The following NFU1 variants were observed in gnomAD, a reference collection of about 807,000 sequenced individuals.
The protein encoded by NFU1 is NFU1 iron-sulfur cluster scaffold, also known as NFU1 iron-sulfur cluster scaffold homolog, mitochondrial.
Under a neutral mutation model 32.2 loss-of-function variants are expected in NFU1, and 30 were observed. That is an observed-to-expected ratio of 0.93 (90% CI 0.70 to 1.26). The LOEUF is 1.26. Among genes scored for constraint, NFU1 ranks in the 50% most tolerant of loss-of-function variants. NFU1 has a pLI of 0.00. For missense variants in NFU1, 306 were observed against 306.6 expected, an observed-to-expected ratio of 1.00 and a Z score of 0.02; for synonymous variants, 112 against 104.6, an observed-to-expected ratio of 1.07 and a Z score of -0.43.
chr2:69,435,520 C>G (rs1226747655), intron 1 of NFU1, among the ~76,000 whole-genome samples: 1 of 152,118 alleles, frequency 6.6e-6, no homozygotes, highest in Non-Finnish European at 1.5e-5. Flanking sequence ...GAACTGTTTA[C>G]TACCTTCAAT....
At chr2:69,409,047 G>A (rs1275846464) in intron 5 of NFU1, among the ~76,000 whole-genome samples, 2 of 151,530 alleles carry the variant, frequency 1.3e-5, no homozygotes, top group Non-Finnish European at 2.9e-5. Flanking sequence ...ACACCATGTT[G>A]GCCAGGCCGT....
chr2:69,423,597 C>T lies in NFU1; in HGVS notation c.287G>A (p.Arg96His), dbSNP rs774308958. 17 of 1,613,350 alleles carry T rather than the reference C, an allele frequency of 1.1e-5. No individual in the cohort carries two copies. The highest frequency in any genetic ancestry group is 4.0e-5 in the African/African-American group (3 of 74,832). ...MDFPTPAAAF[R>H]SPLARQLFRI... ...AGTAATATACCTAGCCAGAGGGGAG[C>T]GAAATGCTGCAGCTGGGGTGGGAAA... is the stretch of plus-strand genomic sequence containing the variant. The change falls in exon 3 of 8, where the codon CGC (arginine) becomes CAC (histidine). Residue 96 changes from arginine (R) to histidine (H), a missense_variant. Physicochemically the swap from Arg to His is conservative, Grantham distance 29. Coordinates refer to ENST00000410022, the MANE Select transcript of NFU1 (RefSeq NM_001002755.4).
At chr2:69,413,933 G>A (rs1225809039) in intron 5 of NFU1, among the ~76,000 whole-genome samples, 1 of 151,488 alleles carries the variant, frequency 6.6e-6, no homozygotes, top group Non-Finnish European at 1.5e-5. Context: ...TGTAATACCA[G>A]CTACTTGGAA....
intron 3 of NFU1, among the ~76,000 whole-genome samples, chr2:69,421,871 A>G (rs1265537415): frequency 6.6e-6 from 1 of 151,910 alleles, no homozygotes; most frequent in African/African-American, 2.4e-5. Context: ...CCTGTTCTTT[A>G]TCATCTCTAA....
chr2:69,403,843 CTT>C (rs202018311), intron 6 of NFU1, among the ~76,000 whole-genome samples: 5 of 144,716 alleles, frequency 3.5e-5, no homozygotes, highest in Admixed American at 6.9e-5. Flanking sequence ...TCCAGGGTTA[CTT>C]TTTTTTTTTT....
chr2:69,416,014 AAGC>A (rs1222415620), intron 4 of NFU1, among the ~76,000 whole-genome samples: 3 of 151,934 alleles, frequency 2.0e-5, no homozygotes, highest in Non-Finnish European at 4.4e-5. Context: ...AAAGAGAAAA[AAGC>A]AGCAGAAAAA....
chr2:69,400,223 C>G, intron 7 of NFU1, 141 bp downstream of exon 7: 2 of 789,624 alleles, frequency 2.5e-6, no homozygotes, highest in Non-Finnish European at 4.2e-6. Flanking sequence ...AATTGCAACA[C>G]AAAAATCCAG....
intron 2 of NFU1, among the ~76,000 whole-genome samples, chr2:69,430,597 A>T (rs773019403): frequency 1.3e-5 from 2 of 152,216 alleles, no homozygotes; most frequent in Admixed American, 1.3e-4. Context: ...AGTGGTGCTT[A>T]AAGTCAATAT....
At chr2:69,419,904 TGAATGAATAGACTGCTATATCTATAC>T (rs1349750047) in intron 3 of NFU1, among the ~76,000 whole-genome samples, 1 of 152,208 alleles carries the variant, frequency 6.6e-6, no homozygotes, top group Non-Finnish European at 1.5e-5. Flanking sequence ...CATCACCTGG[TGAATGAATAGACTGCTATATCTATAC>T]TATCAATCAT....
At chr2:69,426,296 C>CT (rs1382711601) in intron 2 of NFU1, among the ~76,000 whole-genome samples, 1 of 150,340 alleles carries the variant, frequency 6.7e-6, no homozygotes, top group Non-Finnish European at 1.5e-5. Context: ...ACAGACTCTT[C>CT]TTTTTTTGAG....
chr2:69,402,632 A>T (rs974446884), intron 6 of NFU1, among the ~76,000 whole-genome samples: 6 of 151,584 alleles, frequency 4.0e-5, no homozygotes, highest in Non-Finnish European at 5.9e-5. Flanking sequence ...CCCAGGCTGG[A>T]GTGCAATGGC....
rs183477824 is a variant in NFU1 at position 69,433,748 on chromosome 2, T to C, written c.63-1743A>G. 4.7e-3 allele frequency among the ~76,000 whole-genome samples: 717 copies of C among 152,262 alleles called. 11 individuals carry two copies. The highest frequency in any genetic ancestry group is 0.011 in the Admixed American group (174 of 15,296). ...GCCTTGGCCTCCCAAAATGCTGGGATTACACAGCCAACGATCTTGATCACG... is the reference window on the plus strand; with the variant it reads ...GCCTTGGCCTCCCAAAATGCTGGGACTACACAGCCAACGATCTTGATCACG... On this transcript the variant is annotated intron_variant, in intron 1 of 7. Coordinates refer to ENST00000410022, the MANE Select transcript of NFU1 (RefSeq NM_001002755.4).
rs1574108526 is a variant in NFU1, at chr2:69,400,229, T to C, written c.720+135A>G. 4.9e-6 allele frequency: 4 copies of C among 814,796 alleles called. No individual in the cohort carries two copies. In the East Asian group the frequency reaches 1.0e-4, roughly 21 times the overall value. 50.5% of individuals were successfully genotyped at this position (814,796 alleles called of 1,614,324 possible). ...TCTGATAAAAATTGCAACACAAAAA[T>C]CCAGCCCTTGAAGAAAAAGCTAGGT... is the stretch of plus-strand genomic sequence containing the variant. On this transcript the variant is annotated intron_variant, in intron 7 of 7. Coordinates refer to ENST00000410022, the MANE Select transcript of NFU1 (RefSeq NM_001002755.4).
At chr2:69,423,239 T>A (rs112986635) in intron 3 of NFU1, among the ~76,000 whole-genome samples, 105 of 40,870 alleles carry the variant, frequency 2.6e-3, no homozygotes, top group South Asian at 0.014. Context: ...GGGCTCTCTG[T>A]GTGAGTGTGT....
intron 6 of NFU1, among the ~76,000 whole-genome samples, chr2:69,405,706 C>T (rs1342213771): frequency 1.3e-5 from 2 of 152,124 alleles, no homozygotes; most frequent in Non-Finnish European, 2.9e-5. Context: ...CTCTTCACAA[C>T]CTTGCCAAAC....
At chr2:69,423,247 TGTGTG>T (rs1673319729) in intron 3 of NFU1, among the ~76,000 whole-genome samples, 1 of 14,588 alleles carries the variant, frequency 6.9e-5, no homozygotes, top group Non-Finnish European at 1.2e-4. Context: ...TGTGTGAGTG[TGTGTG>T]TGTGTGTGTG....
At chr2:69,416,816 T>C (rs918311372) in intron 4 of NFU1, among the ~76,000 whole-genome samples, 1 of 152,158 alleles carries the variant, frequency 6.6e-6, no homozygotes, top group Non-Finnish European at 1.5e-5. Context: ...GAGAATCGCT[T>C]GAACCCGGGA....
At chr2:69,413,113 C>T (rs886231459) in intron 5 of NFU1, among the ~76,000 whole-genome samples, 1 of 150,900 alleles carries the variant, frequency 6.6e-6, no homozygotes, top group Non-Finnish European at 1.5e-5. Flanking sequence ...GGTGAAACCC[C>T]GTCTCTACTA....
At chr2:69,406,730 C>A (rs1016887395) in intron 5 of NFU1, among the ~76,000 whole-genome samples, 1 of 152,094 alleles carries the variant, frequency 6.6e-6, no homozygotes, top group African/African-American at 2.4e-5. Context: ...AGCCACCACA[C>A]CCAGGCAATT....
Sources: gnomAD v4.1 joint callset for allele counts (sites outside exome capture counted in the v4.1 genomes callset) on GRCh38, gnomAD v4.1.1 for gene constraint, MANE v1.5 for transcripts, NCBI Gene and HGNC (gene_info 2026-07-23, HGNC 2026-07-21) for gene names.